ERN1: variants seen among roughly 807,000 people sequenced by gnomAD.
ERN1 encodes endoplasmic reticulum to nucleus signaling 1.
In ERN1, 39 loss-of-function variants were observed where a neutral mutation model predicts 113.1. That is an observed-to-expected ratio of 0.34 (90% CI 0.27 to 0.45). ERN1 has a LOEUF of 0.45. ERN1 is among the 20% of genes least tolerant of loss of function. The pLI is 1.00. For synonymous variants in ERN1, 507 were observed against 515.9 expected (o/e 0.98, Z 0.23); for missense variants, 976 against 1,274.8 (o/e 0.77, Z 3.57).
chr17:64,052,152 A>G (rs115040886), intron 17 of ERN1, among the ~76,000 whole-genome samples: 1,606 of 152,348 alleles, frequency 0.011, 33 homozygotes, highest in African/African-American at 0.036. Flanking sequence ...CCAGGAGTTC[A>G]AGACCAGCCT....
intron 1 of ERN1, among the ~76,000 whole-genome samples, chr17:64,113,326 C>T (rs763766821): frequency 2.0e-5 from 3 of 152,158 alleles, no homozygotes; most frequent in Non-Finnish European, 2.9e-5. Context: ...AGGTTAAAAA[C>T]ATTTTATTAA....
chr17:64,122,473 C>T (rs1399150603), intron 1 of ERN1, among the ~76,000 whole-genome samples: 2 of 152,192 alleles, frequency 1.3e-5, no homozygotes, highest in African/African-American at 4.8e-5. Flanking sequence ...TTCCAGTTAT[C>T]TTGGGAGGCT....
Position 64,041,784 on chromosome 17 carries a change from T to C in ERN1, c.*2204A>G, listed in dbSNP as rs1229517693. ...GCAGAAGTTTTGCCTGTCTTGTTCA[T>C]CGCTGTATCTCCGGCACCCTATATC... On this transcript the variant is annotated 3_prime_UTR_variant, in exon 22 of 22. Coordinates refer to ENST00000433197, the MANE Select transcript of ERN1 (RefSeq NM_001433.5). The C allele has an allele frequency of 2.6e-5, 4 of 152,262 alleles. No homozygotes were observed. Among genetic ancestry groups the C allele is most frequent in the African/African-American group, 9.7e-5 (4 of 41,448 alleles). 9.4% of individuals were successfully genotyped at this position (152,262 alleles called of 1,614,324 possible). A position where few individuals can be genotyped will look rare whatever the true frequency, so the allele number is the denominator to read the frequency against.
chr17:64,053,982 C>A, intron 15 of ERN1: 2 of 370,218 alleles, frequency 5.4e-6, no homozygotes, highest in South Asian at 4.1e-5. Context: ...CTCTGTTGTC[C>A]AGGCTGGAGT....
At position 64,079,793 on chromosome 17, in the gene ERN1, A is replaced by G; in HGVS notation, c.210-59T>C. 3 of 1,384,906 alleles carry G rather than the reference A, an allele frequency of 2.2e-6. No homozygotes were observed. In the South Asian group the frequency reaches 3.6e-5, roughly 17 times the overall value. The allele number at this position is 1,384,906 out of a possible 1,614,324, so 85.8% of individuals were successfully genotyped here. ...TACAGCCCAGGGCATGGAACAACAT[A>G]CCAAAGCCACGCAAACCCATGATGG... On this transcript the variant is annotated intron_variant, in intron 3 of 21. Coordinates refer to ENST00000433197, the MANE Select transcript of ERN1 (RefSeq NM_001433.5).
intron 1 of ERN1, among the ~76,000 whole-genome samples, chr17:64,101,788 C>T (rs946955361): frequency 2.6e-5 from 4 of 152,162 alleles, no homozygotes; most frequent in Admixed American, 2.0e-4. Flanking sequence ...TACAGTACAA[C>T]CATAATGAAC....
chr17:64,056,196 C>G (rs1023421602), intron 12 of ERN1, among the ~76,000 whole-genome samples: 5 of 152,202 alleles, frequency 3.3e-5, no homozygotes, highest in Non-Finnish European at 7.3e-5. Flanking sequence ...GGATGGCCAC[C>G]AGGGGAGGGA....
intron 1 of ERN1, among the ~76,000 whole-genome samples, chr17:64,109,439 G>A (rs1161273667): frequency 6.6e-6 from 1 of 152,154 alleles, no homozygotes; most frequent in East Asian, 1.9e-4. Flanking sequence ...AATACACCCC[G>A]AGTTGAGATA....
intron 1 of ERN1, among the ~76,000 whole-genome samples, chr17:64,109,485 A>G (rs1226992379): frequency 6.6e-6 from 1 of 152,156 alleles, no homozygotes; most frequent in Admixed American, 6.5e-5. Context: ...CAGGACCCCC[A>G]TTGTTTGAAG....
In ERN1 at chr17:64,055,725, C is replaced by A. The variant is rs1246299945; in HGVS notation, c.1622G>T (p.Ser541Ile). The change falls in exon 13 of 22, where the codon AGC becomes ATC. Residue 541 changes from serine to isoleucine, a missense_variant. Physicochemically the swap from Ser to Ile is moderately radical, Grantham distance 142. Coordinates refer to ENST00000433197, the MANE Select transcript of ERN1 (RefSeq NM_001433.5). Reference sequence around the variant, plus strand: ...GCTGCTGCCAGCCTTGGAGGCAGAGCTGCCGGAGCAGAGCGAGTGGTTGGA... The same window carrying A: ...GCTGCTGCCAGCCTTGGAGGCAGAGATGCCGGAGCAGAGCGAGTGGTTGGA... ...RASNHSLCSG[S>I]SASKAGSSPS... is the part of the protein sequence containing the mutation. The A allele has an allele frequency of 6.2e-7, 1 of 1,609,974 alleles. No homozygotes were observed. The highest frequency in any genetic ancestry group is 8.5e-7 in the Non-Finnish European group (1 of 1,177,856).
rs55939178 is a variant in ERN1 at position 64,060,570 on chromosome 17, G to A, written c.1105C>T (p.Leu369=). The change falls in exon 11 of 22, where the codon CTG becomes TTG. Residue 369 remains leucine (L), a synonymous_variant. Transcript: ENST00000433197. ...TCCAGCATCTTGGTAGACGCAGACA[G>A]TGGGGTTTCATGGTGTCCTATGACA... ...WLLIGHHETP[L]SASTKMLERF... 0.029 allele frequency: 47,246 copies of A among 1,612,438 alleles called. 890 individuals are homozygous for A. Among genetic ancestry groups the A allele is most frequent in the Middle Eastern group, 0.071 (432 of 6,056 alleles).
intron 1 of ERN1, among the ~76,000 whole-genome samples, chr17:64,099,452 C>A (rs1486592273): frequency 6.6e-6 from 1 of 151,932 alleles, no homozygotes; most frequent in Non-Finnish European, 1.5e-5. Context: ...CCTTCAGCAA[C>A]CCCACCCTTG....
intron 6 of ERN1, among the ~76,000 whole-genome samples, chr17:64,070,883 A>C (rs770340007): frequency 4.2e-4 from 64 of 152,254 alleles, no homozygotes; most frequent in African/African-American, 1.3e-3. Flanking sequence ...GGTCTCTGCA[A>C]TAATGGGACC....
rs918489280 is a variant in ERN1, at chr17:64,073,082, T to C, written c.356-979A>G. On this transcript the variant is annotated intron_variant, in intron 5 of 21. Transcript: ENST00000433197. ...GTACAGAGGTGTGGTCACGGCTCAC[T>C]GCAGCCTCAAACTCCTGGACTCAAG... Among the ~76,000 whole-genome samples, 4 of 151,450 alleles carry C rather than the reference T, an allele frequency of 2.6e-5. No homozygotes were observed. In the East Asian group the frequency reaches 5.8e-4, roughly 22 times the overall value.
intron 1 of ERN1, among the ~76,000 whole-genome samples, chr17:64,120,343 T>A (rs771775377): frequency 4.6e-5 from 7 of 152,182 alleles, no homozygotes; most frequent in Non-Finnish European, 8.8e-5. Context: ...CTGACTCAAC[T>A]GGAGATCAAT....
rs113750327 is a variant in ERN1, at chr17:64,091,773, G to A, written c.175+6348C>T. On this transcript the variant is annotated intron_variant, in intron 2 of 21. Coordinates refer to ENST00000433197, the MANE Select transcript of ERN1 (RefSeq NM_001433.5). ...GGAGCCCAGGGAGTTGGGGCGGGGG[G>A]GCGGCGGTGAGAGACCACGAATGGC... Among the ~76,000 whole-genome samples the A allele has an allele frequency of 3.3e-3, 502 of 152,286 alleles. 2 individuals are homozygous for A. The highest frequency in any genetic ancestry group is 0.012 in the African/African-American group (483 of 41,550).
chr17:64,086,627 C>T (rs367853552), intron 2 of ERN1, among the ~76,000 whole-genome samples: 106 of 64,628 alleles, frequency 1.6e-3, no homozygotes, highest in Admixed American at 3.9e-3. Flanking sequence ...CTTTTTTTTT[C>T]TTTTCTTTCC....
At chr17:64,072,251 C>A in intron 5 of ERN1, 148 bp from the exon 6 acceptor site, 3 of 810,428 alleles carry the variant, frequency 3.7e-6, no homozygotes, top group Non-Finnish European at 1.9e-6. Context: ...AATGGTAATG[C>A]AGAGATAATA....
At chr17:64,128,401 T>C (rs1365265570) in intron 1 of ERN1, among the ~76,000 whole-genome samples, 1 of 152,158 alleles carries the variant, frequency 6.6e-6, no homozygotes, top group Non-Finnish European at 1.5e-5. Context: ...AGTTTGGATT[T>C]CTAAATACAA....
Sources: gnomAD v4.1 joint callset for allele counts (sites outside exome capture counted in the v4.1 genomes callset) on GRCh38, gnomAD v4.1.1 for gene constraint, MANE v1.5 for transcripts, NCBI Gene and HGNC (gene_info 2026-07-23, HGNC 2026-07-21) for gene names.